BIRC6: variants seen among roughly 807,000 people sequenced by gnomAD.
BIRC6 encodes the protein baculoviral IAP repeat containing 6, also known as dual E2 ubiquitin-conjugating enzyme/E3 ubiquitin-protein ligase BIRC6.
In BIRC6, 98 loss-of-function variants were observed where a neutral mutation model predicts 503.3. The ratio of observed to expected loss-of-function variants is 0.19; its 90% CI spans 0.17 to 0.23. The LOEUF is 0.23. Ranked by LOEUF, BIRC6 falls within the 10% of genes least tolerant of loss-of-function variation. BIRC6 has a pLI of 1.00. For synonymous variants in BIRC6, 2,240 were observed against 2,078.7 expected, an observed-to-expected ratio of 1.08 and a Z score of -2.11; for missense variants, 5,360 against 5,806.0, an observed-to-expected ratio of 0.92 and a Z score of 2.50.
In BIRC6 at chr2:32,549,473, A is replaced by G; in HGVS notation, c.13136A>G (p.Asn4379Ser). 1 of 1,437,560 alleles carries G rather than the reference A, an allele frequency of 7.0e-7. No individual in the cohort carries two copies. The allele number at this position is 1,437,560 out of a possible 1,614,324, so 89.1% of individuals were successfully genotyped here. Residue 4379 changes from asparagine (N) to serine (S), a missense_variant, in exon 65 of 74, where the codon AAT (asparagine) becomes AGT (serine). Around this residue, in one of 16 missense-constraint regions of BIRC6, gnomAD observed 477 missense variants for 574.4 expected, o/e 0.83. Transcript: ENST00000421745. ...LIPAMSSYLR[N>S]DSVLDMARHV... ...CCAGCCATGTCATCTTATCTACGAA[A>G]TGATTCAGGTAAATAATCCCTGTAA...
intron 6 of BIRC6, among the ~76,000 whole-genome samples, chr2:32,398,641 A>T (rs2040249346): frequency 6.6e-6 from 1 of 152,326 alleles, no homozygotes; most frequent in African/African-American, 2.4e-5. Flanking sequence ...ACTTAAATTT[A>T]TAATGGTGGT....
chr2:32,470,144 C>CT (rs1342207320), intron 30 of BIRC6, 24 bp from the exon 31 acceptor site: 3 of 1,451,810 alleles, frequency 2.1e-6, no homozygotes, highest in East Asian at 2.6e-5. Flanking sequence ...TTATTCTTTT[C>CT]TTTTTTGTTT....
intron 65 of BIRC6, among the ~76,000 whole-genome samples, chr2:32,557,028 C>T (rs1212989209): frequency 6.6e-6 from 1 of 152,146 alleles, no homozygotes; most frequent in Non-Finnish European, 1.5e-5. Context: ...GTATTACCCA[C>T]ATTTATCAGA....
intron 57 of BIRC6, chr2:32,523,268 A>T (rs1441910351): frequency 6.6e-6 from 1 of 152,196 alleles, no homozygotes; most frequent in Non-Finnish European, 1.5e-5. Flanking sequence ...AGCATTTTTA[A>T]AAGGAAGTTG....
chr2:32,562,323 T>A (rs2059249313), intron 65 of BIRC6, among the ~76,000 whole-genome samples: 2 of 152,206 alleles, frequency 1.3e-5, no homozygotes, highest in South Asian at 4.1e-4. Context: ...TGAGTATTTT[T>A]AGGTTCACAG....
intron 55 of BIRC6, among the ~76,000 whole-genome samples, chr2:32,517,865 C>T (rs563708149): frequency 6.6e-6 from 1 of 152,074 alleles, no homozygotes; most frequent in East Asian, 1.9e-4. Flanking sequence ...ATCAGCATGA[C>T]CTTGGCCTTG....
intron 61 of BIRC6, among the ~76,000 whole-genome samples, chr2:32,542,909 C>T (rs560672824): frequency 6.6e-6 from 1 of 152,244 alleles, no homozygotes; most frequent in African/African-American, 2.4e-5. Flanking sequence ...AAGTGTTTCT[C>T]CTGCCTCAGC....
intron 24 of BIRC6, among the ~76,000 whole-genome samples, chr2:32,463,772 T>A (rs181640946): frequency 6.6e-6 from 1 of 152,294 alleles, no homozygotes; most frequent in East Asian, 1.9e-4. Flanking sequence ...TTCATAAATT[T>A]TATTGTGGCC....
At chr2:32,433,846 T>G (rs1435785180) in intron 13 of BIRC6, 42 bp downstream of exon 13, 3 of 1,416,212 alleles carry the variant, frequency 2.1e-6, no homozygotes, top group Non-Finnish European at 2.8e-6. Context: ...TTTTATTTTG[T>G]GGTTGATTTC....
At chr2:32,550,051 A>T (rs1031595416) in intron 65 of BIRC6, among the ~76,000 whole-genome samples, 2 of 152,174 alleles carry the variant, frequency 1.3e-5, no homozygotes, top group Non-Finnish European at 2.9e-5. Flanking sequence ...TTCTTTTCCT[A>T]AGAATAGAAA....
At chr2:32,611,704 G>T (rs987871423) in intron 73 of BIRC6, 122 bp downstream of exon 73, 12 of 1,026,272 alleles carry the variant, frequency 1.2e-5, no homozygotes, top group Non-Finnish European at 1.5e-5. Context: ...TGTATTTTCA[G>T]TTCAGAGGAA....
chr2:32,582,366 T>C (rs1213979465), intron 66 of BIRC6, among the ~76,000 whole-genome samples: 2 of 152,120 alleles, frequency 1.3e-5, no homozygotes, highest in African/African-American at 4.8e-5. Flanking sequence ...TGAGTTGCCT[T>C]GTACACTGTA....
At chr2:32,393,751 G>C (rs2039533955) in intron 5 of BIRC6, among the ~76,000 whole-genome samples, 1 of 152,138 alleles carries the variant, frequency 6.6e-6, no homozygotes, top group Admixed American at 6.5e-5. Context: ...AAACTTCTGG[G>C]CTCAGGCAGT....
intron 34 of BIRC6, among the ~76,000 whole-genome samples, chr2:32,476,713 G>A (rs2049806290): frequency 6.6e-6 from 1 of 152,124 alleles, no homozygotes; most frequent in Admixed American, 6.5e-5. Context: ...TATATGTAAA[G>A]TGAAAAATGT....
At chr2:32,469,649 A>C (rs1270396673) in intron 30 of BIRC6, 35 bp downstream of exon 30, 26 of 1,524,804 alleles carry the variant, frequency 1.7e-5, no homozygotes, top group Non-Finnish European at 2.2e-5. Flanking sequence ...TTTGTTATTA[A>C]TGATGTGTAC....
intron 57 of BIRC6, among the ~76,000 whole-genome samples, chr2:32,524,532 G>A (rs1471531776): frequency 1.3e-5 from 2 of 152,066 alleles, no homozygotes; most frequent in Non-Finnish European, 2.9e-5. Context: ...TATGTTGCGA[G>A]GACTGAATTA....
chr2:32,447,657 A>AC (rs1162524592), intron 21 of BIRC6, among the ~76,000 whole-genome samples: 16 of 78,966 alleles, frequency 2.0e-4, no homozygotes, highest in African/African-American at 5.4e-4. Flanking sequence ...CAGGGGGCTG[A>AC]CCCCCCCTCC....
In BIRC6 at chr2:32,491,486, A is replaced by C. The variant is rs759285855; in HGVS notation, c.8268A>C (p.Pro2756=). The C allele has an allele frequency of 6.2e-7, 1 of 1,613,582 alleles. No individual in the cohort carries two copies. The highest frequency in any genetic ancestry group is 2.2e-5 in the East Asian group (1 of 44,848). Residue 2756 remains proline (P), a synonymous_variant, in exon 44 of 74, where the codon CCA becomes CCC. Coordinates refer to ENST00000421745, the MANE Select transcript of BIRC6 (RefSeq NM_016252.4). ...CTGCTCATTTGTTGGTTTCAGATCC[A>C]AACCTAATTCATGTATTAGTGAAAT... ...ESTAHLLVSD[P]NLIHVLVKFL...
intron 71 of BIRC6, among the ~76,000 whole-genome samples, chr2:32,604,820 T>C (rs1356467256): frequency 6.6e-6 from 1 of 152,180 alleles, no homozygotes; most frequent in East Asian, 1.9e-4. Context: ...TACAGATTAT[T>C]TTGTCACTCT....
Sources: gnomAD v4.1 joint callset for allele counts (sites outside exome capture counted in the v4.1 genomes callset) on GRCh38, gnomAD v4.1.1 for gene constraint, gnomAD v4.1.1 regional missense constraint, MANE v1.5 for transcripts, NCBI Gene and HGNC (gene_info 2026-07-23, HGNC 2026-07-21) for gene names.